The following BPTF variants were observed in gnomAD, a reference collection of about 807,000 sequenced individuals.
BPTF encodes the protein nucleosome-remodeling factor subunit BPTF.
BPTF carries 18 observed loss-of-function variants against 292.5 expected under a neutral mutation model. The ratio of observed to expected loss-of-function variants is 0.06; its 90% confidence interval spans 0.04 to 0.09. The LOEUF (loss-of-function observed/expected upper bound fraction) is 0.09. BPTF is among the 10% of genes least tolerant of loss of function. The probability of loss-of-function intolerance (pLI) is 1.00; values close to 1 mark genes in which losing one functional copy is unlikely to be tolerated. For synonymous variants in BPTF, 1,225 were observed against 1,251.9 expected, an observed-to-expected ratio of 0.98 and a Z score of 0.45; for missense variants, 2,726 against 3,498.7, an observed-to-expected ratio of 0.78 and a Z score of 5.57.
intron 26 of BPTF, among the ~76,000 whole-genome samples, chr17:67,968,935 C>G (rs916738643): frequency 4.6e-5 from 7 of 150,906 alleles, no homozygotes; most frequent in Non-Finnish European, 8.8e-5. Flanking sequence ...GAGCCGAGAT[C>G]GCGCCATTGC....
intron 24 of BPTF, 78 bp downstream of exon 24, chr17:67,959,953 T>C (rs1444635532): frequency 4.6e-6 from 5 of 1,087,876 alleles, no homozygotes; most frequent in Non-Finnish European, 6.6e-6. Flanking sequence ...AAAATGAATA[T>C]TTTGGGAGTG....
chr17:67,846,202 A>G (rs1053673852), intron 1 of BPTF, among the ~76,000 whole-genome samples: 6 of 152,230 alleles, frequency 3.9e-5, no homozygotes, highest in Non-Finnish European at 7.3e-5. Context: ...AAGTTTTAAA[A>G]ATATAGGCTG....
intron 13 of BPTF, among the ~76,000 whole-genome samples, chr17:67,922,057 G>A (rs1285394537): frequency 6.6e-6 from 1 of 151,858 alleles, no homozygotes; most frequent in African/African-American, 2.4e-5. Flanking sequence ...TCACAAGGTC[G>A]TCCTGGCACA....
intron 9 of BPTF, among the ~76,000 whole-genome samples, chr17:67,907,558 G>A (rs772943176): frequency 1.3e-5 from 2 of 151,982 alleles, no homozygotes; most frequent in Admixed American, 6.6e-5. Flanking sequence ...GTTTTGCCAT[G>A]TTGGCCAGGC....
intron 4 of BPTF, among the ~76,000 whole-genome samples, chr17:67,876,489 A>G (rs2060058263): frequency 6.6e-6 from 1 of 152,186 alleles, no homozygotes; most frequent in Non-Finnish European, 1.5e-5. Flanking sequence ...CTTACTTTAT[A>G]CTGATGAGAG....
intron 27 of BPTF, among the ~76,000 whole-genome samples, chr17:67,978,302 A>T (rs570334467): frequency 1.6e-3 from 63 of 39,492 alleles, no homozygotes; most frequent in Admixed American, 2.7e-3. Flanking sequence ...ATATATATAT[A>T]TATATATTTT....
At chr17:67,909,545 GA>G in intron 9 of BPTF, 36 bp from the exon 10 acceptor site, 3 of 1,393,594 alleles carry the variant, frequency 2.2e-6, no homozygotes, top group Non-Finnish European at 2.9e-6. Flanking sequence ...TAATACTCTG[GA>G]AATAACGTAA....
chr17:67,862,813 CT>C (rs11325305), intron 2 of BPTF, among the ~76,000 whole-genome samples: 16,519 of 129,604 alleles, frequency 0.13, 2,519 homozygotes, highest in African/African-American at 0.4. Context: ...AAAATCCTTG[CT>C]TTTTTTTTTT....
At chr17:67,982,026 TAAATATTGG>T in intron 27 of BPTF, 1 of 181,744 alleles carries the variant, frequency 5.5e-6, no homozygotes. Flanking sequence ...TATATATATT[TAAATATTGG>T]CTTTTTCCAG....
At chr17:67,915,442 A>G (rs575519200) in intron 11 of BPTF, among the ~76,000 whole-genome samples, 21 of 152,344 alleles carry the variant, frequency 1.4e-4, no homozygotes, top group African/African-American at 5.0e-4. Context: ...CCCATCCAGT[A>G]CTGGATAAAT....
intron 23 of BPTF, chr17:67,951,288 A>G (rs1357263979): frequency 6.6e-6 from 1 of 152,080 alleles, no homozygotes; most frequent in Non-Finnish European, 1.5e-5. Context: ...GCCTCCAGCC[A>G]TCAGTCAATC....
At chr17:67,864,789 C>G (rs1367675651) in intron 2 of BPTF, among the ~76,000 whole-genome samples, 1 of 151,778 alleles carries the variant, frequency 6.6e-6, no homozygotes, top group Non-Finnish European at 1.5e-5. Context: ...ACCAGTTGAT[C>G]ATTCCTTATT....
At chr17:67,953,941 T>C (rs1555679693) in intron 23 of BPTF, among the ~76,000 whole-genome samples, 2 of 147,938 alleles carry the variant, frequency 1.4e-5, no homozygotes, top group African/African-American at 2.5e-5. Context: ...TTTTTATCTT[T>C]TTTCTTTTTC....
chr17:67,829,475 A>AC (rs1430566909), intron 1 of BPTF, among the ~76,000 whole-genome samples: 1 of 69,422 alleles, frequency 1.4e-5, no homozygotes, highest in Non-Finnish European at 2.9e-5. Context: ...CTTGCCCCCC[A>AC]CCCCCCGGAT....
Position 67,835,411 on chromosome 17 carries a change from A to G in BPTF, c.613+9074A>G, listed in dbSNP as rs533936774. On this transcript the variant is annotated intron_variant, in intron 1 of 27. Transcript: ENST00000306378. ...CTGTTAGACCAGGGGGAATTTACCT[A>G]ACATCTCTTTTTCTCTAGCCTTTTA... Among the ~76,000 whole-genome samples, 3 of 152,286 alleles carry G rather than the reference A, an allele frequency of 2.0e-5. No individual in the cohort carries two copies. In the East Asian group the frequency reaches 5.8e-4, roughly 29 times the overall value.
At chr17:67,940,719 A>G in intron 19 of BPTF, 63 bp downstream of exon 19, 1 of 1,508,136 alleles carries the variant, frequency 6.6e-7, no homozygotes, top group South Asian at 1.2e-5. Context: ...CGGTAAGTTT[A>G]AAAACATGAA....
At chr17:67,956,602 G>A (rs2066962141) in intron 23 of BPTF, 1 of 149,792 alleles carries the variant, frequency 6.7e-6, no homozygotes, top group Admixed American at 6.7e-5. Flanking sequence ...ACAGGTGTGA[G>A]CCACTGTCCT....
intron 13 of BPTF, among the ~76,000 whole-genome samples, chr17:67,921,436 G>A (rs2063433356): frequency 6.6e-6 from 1 of 152,052 alleles, no homozygotes; most frequent in Admixed American, 6.6e-5. Context: ...TGAGGCGGGA[G>A]AATCACTTAT....
intron 8 of BPTF, 123 bp from the exon 9 acceptor site, chr17:67,904,579 G>A: frequency 1.4e-6 from 1 of 696,516 alleles, no homozygotes; most frequent in South Asian, 4.1e-5. Context: ...AAAACCTGGG[G>A]ATGATTAGTA....
Sources: allele counts gnomAD v4.1 joint callset (sites outside exome capture counted in the v4.1 genomes callset), GRCh38; gene constraint gnomAD v4.1.1; transcripts MANE v1.5; gene names NCBI Gene and HGNC (gene_info 2026-07-23, HGNC 2026-07-21).